RIOK2: variants seen among roughly 807,000 people sequenced by gnomAD.
RIOK2 encodes the protein serine/threonine-protein kinase RIO2.
A neutral mutation model predicts 62.4 loss-of-function variants in RIOK2; 46 were observed. That is an observed-to-expected ratio of 0.74 (90% CI 0.58 to 0.94). RIOK2 has a LOEUF of 0.94. Among genes scored for constraint, RIOK2 ranks in the 40% least tolerant of loss-of-function variants. The probability of loss-of-function intolerance (pLI) is 0.00; values close to 1 mark genes in which losing one functional copy is unlikely to be tolerated. For synonymous variants in RIOK2, 197 were observed against 216.0 expected, an observed-to-expected ratio of 0.91 and a Z score of 0.77; for missense variants, 574 against 658.0, an observed-to-expected ratio of 0.87 and a Z score of 1.40.
Position 97,167,478 on chromosome 5 carries a change from G to A in RIOK2, c.1386C>T (p.Phe462=). ...ACAGAAGTCTATACCTGAAAGGCCTGAATTCTCTATTTAATGACGACAAGG... is the reference window on the plus strand; with the variant it reads ...ACAGAAGTCTATACCTGAAAGGCCTAAATTCTCTATTTAATGACGACAAGG... The part of the protein sequence containing the change: ...LIALSSLNRE[F]RPFRDEENVG... The change falls in exon 8 of 10, where the codon TTC becomes TTT. Residue 462 remains phenylalanine (F), a synonymous_variant. Transcript: ENST00000283109. 6.2e-7 allele frequency: 1 copy of A among 1,614,038 alleles called. No homozygotes were observed. The highest frequency in any genetic ancestry group is 8.5e-7 in the Non-Finnish European group (1 of 1,179,982).
chr5:97,180,480 A>G (rs1457182519), intron 1 of RIOK2, among the ~76,000 whole-genome samples: 1 of 152,176 alleles, frequency 6.6e-6, no homozygotes, highest in Non-Finnish European at 1.5e-5. Context: ...GATAGCATAT[A>G]GAATTCATGC....
At chr5:97,170,967 A>T (rs1297316561) in intron 6 of RIOK2, among the ~76,000 whole-genome samples, 1 of 141,672 alleles carries the variant, frequency 7.1e-6, no homozygotes, top group Non-Finnish European at 1.5e-5. Context: ...CAGCCTGACC[A>T]ACATGGAGAA....
chr5:97,169,300 A>C (rs1035241643), intron 6 of RIOK2, among the ~76,000 whole-genome samples: 2 of 152,240 alleles, frequency 1.3e-5, no homozygotes, highest in Non-Finnish European at 1.5e-5. Context: ...TATTAATATT[A>C]AACAGTTAAG....
chr5:97,175,302 C>A (rs1255696216), intron 4 of RIOK2, among the ~76,000 whole-genome samples: 2 of 152,200 alleles, frequency 1.3e-5, no homozygotes, highest in African/African-American at 4.8e-5. Context: ...CAGTGTAGAC[C>A]ATTTTGAGCA....
intron 6 of RIOK2, 47 bp downstream of exon 6, chr5:97,171,159 C>T: frequency 1.6e-6 from 2 of 1,274,492 alleles, no homozygotes; most frequent in Non-Finnish European, 2.0e-6. Context: ...AACTCCGTCT[C>T]CAAAAAAATA....
intron 9 of RIOK2, among the ~76,000 whole-genome samples, chr5:97,163,987 G>T (rs1392081697): frequency 2.0e-5 from 3 of 151,886 alleles, no homozygotes; most frequent in Admixed American, 2.0e-4. Context: ...CAACCTCCTG[G>T]GCTTGAGTGA....
chr5:97,171,226 A>G lies in RIOK2; in HGVS notation c.759T>C (p.Thr253=). 8 of 1,573,948 alleles carry G rather than the reference A, an allele frequency of 5.1e-6. No individual in the cohort carries two copies. Among genetic ancestry groups the G allele is most frequent in the Non-Finnish European group, 6.9e-6 (8 of 1,159,992 alleles). ...CGTACCACTCAGCATTGGGATGAGA[A>G]GTTGAAACCATCTGTGGAAAATCAA... is the stretch of plus-strand genomic sequence containing the variant. The part of the protein sequence containing the change: ...TMIDFPQMVS[T]SHPNAEWYFD... Residue 253 remains threonine (T), a synonymous_variant, in exon 6 of 10, where the codon ACT becomes ACC. Transcript: ENST00000283109.
chr5:97,163,292 T>A (rs1432346264), intron 9 of RIOK2, 67 bp from the exon 10 acceptor site: 1 of 1,296,516 alleles, frequency 7.7e-7, no homozygotes, highest in African/African-American at 1.5e-5. Flanking sequence ...TGCTAATATC[T>A]GTTCTATTTA....
chr5:97,182,535 C>G (rs1580282665), intron 1 of RIOK2, among the ~76,000 whole-genome samples: 2 of 152,238 alleles, frequency 1.3e-5, no homozygotes. Context: ...ACTTGTGCCC[C>G]TCCTCTCCAC....
At chr5:97,166,027 C>T (rs566639751) in intron 8 of RIOK2, among the ~76,000 whole-genome samples, 1 of 152,304 alleles carries the variant, frequency 6.6e-6, no homozygotes, top group East Asian at 1.9e-4. Flanking sequence ...TGTCTTTGAA[C>T]TGGGACATGG....
chr5:97,178,991 GA>G, intron 2 of RIOK2, 63 bp downstream of exon 2: 1 of 1,593,090 alleles, frequency 6.3e-7, no homozygotes, highest in Non-Finnish European at 8.6e-7. Context: ...TTGACTTTTG[GA>G]ACACTTGCTC....
rs1355593528 is a variant in RIOK2, at chr5:97,167,582, T to TAGGC, written c.1281_1282insGCCT (p.Arg428AlafsTer2). ...CCTTGAACTCTCTGACCATCTTGCC[T>TAGGC]GTTGTAATTTTCAGTTCTGTTTTTC... On this transcript the variant is annotated frameshift_variant, in exon 8 of 10. Coordinates refer to ENST00000283109, the MANE Select transcript of RIOK2 (RefSeq NM_018343.3). LOFTEE classifies it high-confidence loss of function. The TAGGC allele has an allele frequency of 6.2e-7, 1 of 1,614,072 alleles. No individual in the cohort carries two copies. The highest frequency in any genetic ancestry group is 8.5e-7 in the Non-Finnish European group (1 of 1,180,014).
chr5:97,169,425 A>C (rs1168511859), intron 6 of RIOK2, among the ~76,000 whole-genome samples: 1 of 152,228 alleles, frequency 6.6e-6, no homozygotes, highest in Non-Finnish European at 1.5e-5. Context: ...AGGACATGTT[A>C]ATCTGGACCA....
In RIOK2 at chr5:97,171,210, C is replaced by A; in HGVS notation, c.775G>T (p.Glu259Ter). 1.3e-6 allele frequency: 2 copies of A among 1,506,262 alleles called. No individual in the cohort carries two copies. Among genetic ancestry groups the A allele is most frequent in the Admixed American group, 2.2e-5 (1 of 45,676 alleles). 93.3% of individuals were successfully genotyped at this position (1,506,262 alleles called of 1,614,324 possible). A position where few individuals can be genotyped will look rare whatever the true frequency, so the allele number is the denominator to read the frequency against. The change falls in exon 6 of 10, where the codon GAG becomes TAG. Residue 259 changes from glutamate (E) to a stop codon, truncating the protein, a stop_gained. Coordinates refer to ENST00000283109, the MANE Select transcript of RIOK2 (RefSeq NM_018343.3). LOFTEE classifies it high-confidence loss of function. ...AAAAAAATAGCAAGTACGTACCACT[C>A]AGCATTGGGATGAGAAGTTGAAACC... ...QMVSTSHPNA[E>*]WYFDRDVKCI...
rs73778018 is a variant in RIOK2, at chr5:97,167,683, G to A, written c.1181C>T (p.Thr394Ile). 292 of 1,614,156 alleles carry A rather than the reference G, an allele frequency of 1.8e-4. No homozygotes were observed. In the African/African-American group the frequency reaches 3.2e-3, roughly 18 times the overall value. The change falls in exon 8 of 10, where the codon ACT becomes ATT. Residue 394 changes from threonine (T) to isoleucine (I), a missense_variant. By Grantham distance (89) the Thr-to-Ile change is moderately conservative. Transcript: ENST00000283109. The stretch of plus-strand genomic sequence containing the variant: ...TTCTTCTAAAGCTTGATTGAATTCA[G>A]TCATTTCAAAACTCCGTGCATCAGC... ...ESADARSFEM[T>I]EFNQALEEIK...
chr5:97,171,494 T>C, intron 5 of RIOK2, 97 bp from the exon 6 acceptor site: 1 of 759,490 alleles, frequency 1.3e-6, no homozygotes, highest in Non-Finnish European at 1.9e-6. Flanking sequence ...ATTTCCATGC[T>C]GTGTATCCCC....
At chr5:97,171,479 A>G (rs1264615097) in intron 5 of RIOK2, 82 bp from the exon 6 acceptor site, 14 of 916,704 alleles carry the variant, frequency 1.5e-5, no homozygotes, top group Non-Finnish European at 1.8e-5. Flanking sequence ...GTGAACATAT[A>G]TATTATTTCC....
intron 7 of RIOK2, among the ~76,000 whole-genome samples, chr5:97,168,256 T>C (rs989533578): frequency 6.6e-6 from 1 of 152,226 alleles, no homozygotes; most frequent in Non-Finnish European, 1.5e-5. Flanking sequence ...CTTATGTTTA[T>C]TAACTTTGTA....
intron 8 of RIOK2, chr5:97,167,212 G>C: frequency 7.3e-7 from 1 of 1,365,288 alleles, no homozygotes; most frequent in Non-Finnish European, 9.4e-7. Flanking sequence ...GCGAGCCACT[G>C]TGCCCAGCCA....
Sources: allele counts gnomAD v4.1 joint callset (sites outside exome capture counted in the v4.1 genomes callset), GRCh38; gene constraint gnomAD v4.1.1; transcripts MANE v1.5; gene names NCBI Gene and HGNC (gene_info 2026-07-23, HGNC 2026-07-21).